SRRM4: variants seen among roughly 807,000 people sequenced by gnomAD.
The protein encoded by SRRM4 is serine/arginine repetitive matrix protein 4.
A neutral mutation model predicts 68.9 loss-of-function variants in SRRM4; 33 were observed. The ratio of observed to expected loss-of-function variants is 0.48; its 90% CI spans 0.36 to 0.64. The LOEUF is 0.64. Among genes scored for constraint, SRRM4 ranks in the 30% least tolerant of loss-of-function variants. The pLI is 0.00. For synonymous variants in SRRM4, 318 were observed against 318.8 expected (o/e 1.00, Z 0.03); for missense variants, 817 against 827.1 (o/e 0.99, Z 0.15).
chr12:119,091,357 G>A (rs1434142968), intron 1 of SRRM4, among the ~76,000 whole-genome samples: 2 of 152,162 alleles, frequency 1.3e-5, no homozygotes, highest in Admixed American at 6.5e-5. Context: ...TTGGTGGTAG[G>A]AAGCCAAGGC....
chr12:119,065,927 T>C (rs1036036275), intron 1 of SRRM4, among the ~76,000 whole-genome samples: 1 of 151,890 alleles, frequency 6.6e-6, no homozygotes, highest in Non-Finnish European at 1.5e-5. Context: ...TTAATGAAGG[T>C]ATTTTCCACT....
Position 119,161,843 on chromosome 12 carries a change from C to A in SRRM4, c.*5045C>A, listed in dbSNP as rs1479299495. On this transcript the variant is annotated 3_prime_UTR_variant, in exon 13 of 13. Coordinates refer to ENST00000267260, the MANE Select transcript of SRRM4 (RefSeq NM_194286.4). ...TGGAAATTAATGGAAGAATAAAATG[C>A]CTACACATGAACCAACTTCTATTAA... 1.3e-5 allele frequency: 2 copies of A among 152,070 alleles called. No individual in the cohort carries two copies. Among genetic ancestry groups the A allele is most frequent in the Admixed American group, 6.6e-5 (1 of 15,258 alleles). The allele number at this position is 152,070 out of a possible 1,614,324, so 9.4% of individuals were successfully genotyped here.
chr12:119,079,446 T>A (rs2030830), intron 1 of SRRM4, among the ~76,000 whole-genome samples: 86,222 of 151,992 alleles, frequency 0.57, 25,501 homozygotes, highest in Middle Eastern at 0.74. Context: ...AGAGACCAAT[T>A]AGAAGGCTAC....
intron 3 of SRRM4, among the ~76,000 whole-genome samples, chr12:119,115,316 AT>A (rs921105844): frequency 1.3e-5 from 2 of 152,006 alleles, no homozygotes; most frequent in African/African-American, 4.8e-5. Context: ...TTCCTTTAAA[AT>A]TTTTTTATAT....
chr12:119,076,181 A>G (rs1953915027), intron 1 of SRRM4, among the ~76,000 whole-genome samples: 1 of 152,152 alleles, frequency 6.6e-6, no homozygotes, highest in Non-Finnish European at 1.5e-5. Flanking sequence ...TGATGATGAT[A>G]ATGACAGTGA....
chr12:118,994,357 C>A (rs1194972217), intron 1 of SRRM4, among the ~76,000 whole-genome samples: 1 of 152,124 alleles, frequency 6.6e-6, no homozygotes, highest in Non-Finnish European at 1.5e-5. Context: ...CTCCTAGATG[C>A]TTTTAATGTT....
intron 1 of SRRM4, among the ~76,000 whole-genome samples, chr12:119,046,845 T>C (rs954173242): frequency 2.6e-5 from 4 of 151,738 alleles, no homozygotes. Context: ...ACGTGTGGAC[T>C]CTGGTGAAAC....
chr12:119,080,023 C>T (rs1258475131), intron 1 of SRRM4, among the ~76,000 whole-genome samples: 2 of 152,108 alleles, frequency 1.3e-5, no homozygotes, highest in African/African-American at 4.8e-5. Context: ...ACCGGTGCCC[C>T]TCTCCACTCA....
At chr12:119,090,000 G>A (rs1954004324) in intron 1 of SRRM4, among the ~76,000 whole-genome samples, 1 of 152,082 alleles carries the variant, frequency 6.6e-6, no homozygotes, top group Admixed American at 6.6e-5. Context: ...ACACAGCCAG[G>A]AAGCAGCAAA....
chr12:119,021,461 G>A lies in SRRM4; in HGVS notation c.131+39448G>A, dbSNP rs533883476. The stretch of plus-strand genomic sequence containing the variant: ...AATAAGAACACATAGGACTCCTTGA[G>A]TCAGATAGGCAGGCAGGAACTTGAG... On this transcript the variant is annotated intron_variant, in intron 1 of 12. Coordinates refer to ENST00000267260, the MANE Select transcript of SRRM4 (RefSeq NM_194286.4). 2.4e-3 allele frequency among the ~76,000 whole-genome samples: 361 copies of A among 152,214 alleles called. 3 individuals carry two copies. The highest frequency in any genetic ancestry group is 3.0e-3 in the Non-Finnish European group (207 of 68,036).
intron 7 of SRRM4, among the ~76,000 whole-genome samples, chr12:119,128,059 T>C (rs74716531): frequency 0.032 from 4,901 of 152,224 alleles, 247 homozygotes; most frequent in East Asian, 0.24. Flanking sequence ...CCAGGTGATG[T>C]GTGGGAAGCA....
At position 119,151,158 on chromosome 12, in the gene SRRM4, A is replaced by G; in HGVS notation, c.1218A>G (p.Arg406=). ...CCCGATCCTCCAGTCACTCGTCCCG[A>G]TCCCCAAATCCCAGGGCTTCCCCCA... ...ASTRSSSHSS[R]SPNPRASPRY... The change falls in exon 10 of 13, where the codon CGA becomes CGG. Residue 406 remains arginine (R), a synonymous_variant. Transcript: ENST00000267260. 1.2e-6 allele frequency: 2 copies of G among 1,613,922 alleles called. No homozygotes were observed. Among genetic ancestry groups the G allele is most frequent in the East Asian group, 4.5e-5 (2 of 44,860 alleles).
At chr12:119,053,387 T>C (rs1490646090) in intron 1 of SRRM4, among the ~76,000 whole-genome samples, 2 of 152,196 alleles carry the variant, frequency 1.3e-5, no homozygotes, top group African/African-American at 2.4e-5. Flanking sequence ...CATGCATAAA[T>C]GGACAGCAAT....
At chr12:119,094,934 A>T (rs1158279160) in intron 1 of SRRM4, among the ~76,000 whole-genome samples, 1 of 152,258 alleles carries the variant, frequency 6.6e-6, no homozygotes, top group East Asian at 1.9e-4. Flanking sequence ...GAGAAATGAC[A>T]GCCTCATAAA....
intron 1 of SRRM4, among the ~76,000 whole-genome samples, chr12:119,057,502 G>A (rs928360072): frequency 6.6e-6 from 1 of 152,160 alleles, no homozygotes. Context: ...AGCTCCAACC[G>A]TGTCCCTGCA....
rs143686228 is a variant in SRRM4, at chr12:118,998,092, G to A, written c.131+16079G>A. Among the ~76,000 whole-genome samples the A allele has an allele frequency of 3.8e-3, 582 of 152,038 alleles. 15 individuals are homozygous for A. Among genetic ancestry groups the A allele is most frequent in the Admixed American group, 0.031 (469 of 15,270 alleles). ...TTGCTGGTCAGAGGCACATCAATCC[G>A]GATCTATATTTAATGGACACTATTT... is the stretch of plus-strand genomic sequence containing the variant. On this transcript the variant is annotated intron_variant, in intron 1 of 12. Transcript: ENST00000267260.
intron 1 of SRRM4, among the ~76,000 whole-genome samples, chr12:119,075,914 ATGATGATGATGG>A (rs1947522044): frequency 7.7e-5 from 8 of 103,776 alleles, no homozygotes; most frequent in African/African-American, 2.7e-4. Flanking sequence ...GATGGTGATG[ATGATGATGATGG>A]TGGTGATGGT....
chr12:119,119,686 T>A (rs912323063), intron 4 of SRRM4, among the ~76,000 whole-genome samples: 4 of 152,058 alleles, frequency 2.6e-5, no homozygotes, highest in African/African-American at 9.7e-5. Flanking sequence ...AGGTGCTAAG[T>A]ACAGAACCTG....
chr12:119,040,236 G>A (rs556844029), intron 1 of SRRM4, among the ~76,000 whole-genome samples: 2 of 152,110 alleles, frequency 1.3e-5, no homozygotes, highest in African/African-American at 4.8e-5. Context: ...GGGTACAGGT[G>A]GTATTTGGTT....
Sources: gnomAD v4.1 joint callset for allele counts (sites outside exome capture counted in the v4.1 genomes callset) on GRCh38, gnomAD v4.1.1 for gene constraint, MANE v1.5 for transcripts, NCBI Gene and HGNC (gene_info 2026-07-23, HGNC 2026-07-21) for gene names.